Variants in C18orf63 observed in about 807,000 individuals in gnomAD.
C18orf63 encodes uncharacterized protein C18orf63.
Under a neutral mutation model 75.3 loss-of-function variants are expected in C18orf63, and 50 were observed. That is an observed-to-expected ratio of 0.66 (90% CI 0.53 to 0.84). The LOEUF is 0.84. Ranked by LOEUF, C18orf63 falls within the 40% of genes least tolerant of loss-of-function variation. The pLI, the probability that C18orf63 is intolerant of heterozygous loss-of-function variation, is 0.00. For synonymous variants in C18orf63, 232 were observed against 267.6 expected (o/e 0.87, Z 1.30); for missense variants, 732 against 800.2 (o/e 0.91, Z 1.03).
chr18:74,334,137 G>C (rs1166175251), intron 7 of C18orf63, among the ~76,000 whole-genome samples: 1 of 151,976 alleles, frequency 6.6e-6, no homozygotes, highest in African/African-American at 2.4e-5. Context: ...TCTGGCATTG[G>C]TTATGTTAAC....
In C18orf63 at chr18:74,353,440, T is replaced by A. The variant is rs1311772073; in HGVS notation, c.1173T>A (p.Ser391=). The A allele has an allele frequency of 1.3e-6, 2 of 1,536,296 alleles. No homozygotes were observed. Among genetic ancestry groups the A allele is most frequent in the African/African-American group, 2.7e-5 (2 of 73,050 alleles). Residue 391 remains serine, a synonymous_variant, in exon 12 of 14, where the codon TCT becomes TCA. Transcript: ENST00000579455. ...CAGCTTTGCATCTCCAGCCAGAGTC[T>A]GTTCAGGGTAGAAAGAAATCCCTGT... ...IFSALHLQPE[S]VQGRKKSLSI... is the part of the protein sequence containing the mutation.
At chr18:74,338,440 A>G (rs1342302996) in intron 7 of C18orf63, among the ~76,000 whole-genome samples, 4 of 152,064 alleles carry the variant, frequency 2.6e-5, no homozygotes, top group African/African-American at 9.7e-5. Flanking sequence ...TAAAAAAACC[A>G]CCTGAAAACC....
In C18orf63 at chr18:74,353,735, C is replaced by A. The variant is rs572659007; in HGVS notation, c.1468C>A (p.Arg490Ser). The A allele has an allele frequency of 5.3e-5, 82 of 1,535,780 alleles. No individual in the cohort carries two copies. The highest frequency in any genetic ancestry group is 6.8e-5 in the Non-Finnish European group (78 of 1,146,812). The change falls in exon 12 of 14, where the codon CGT becomes AGT. Residue 490 changes from arginine (R) to serine (S), a missense_variant. Arg to Ser is a moderately radical substitution (Grantham distance 110, BLOSUM62 -1). This residue lies in a region of C18orf63 where 495 missense variants were observed against 508.7 expected (regional missense o/e 0.97). Transcript: ENST00000579455. ...GAATTTAGGTCCAGCTATAAAAAACCGTTATAGTAGTAACATTCAGATGCA... is the reference window on the plus strand; with the variant it reads ...GAATTTAGGTCCAGCTATAAAAAACAGTTATAGTAGTAACATTCAGATGCA... The part of the protein sequence containing the change: ...KLNLGPAIKN[R>S]YSSNIQMQAA...
chr18:74,320,781 G>C (rs781510258), intron 3 of C18orf63, among the ~76,000 whole-genome samples, 190 bp downstream of exon 3: 1 of 151,900 alleles, frequency 6.6e-6, no homozygotes, highest in East Asian at 1.9e-4. Flanking sequence ...CCATTTTTGT[G>C]GTTCTAATTT....
chr18:74,323,216 G>A (rs138056506), intron 4 of C18orf63, among the ~76,000 whole-genome samples: 1 of 152,258 alleles, frequency 6.6e-6, no homozygotes, highest in African/African-American at 2.4e-5. Context: ...ATGAAGCCTT[G>A]ACTAGAGCTC....
intron 7 of C18orf63, among the ~76,000 whole-genome samples, chr18:74,331,392 G>A (rs926280439): frequency 1.3e-5 from 2 of 152,208 alleles, no homozygotes; most frequent in African/African-American, 4.8e-5. Context: ...AGAAGGATAT[G>A]TCTTTTATTT....
chr18:74,349,921 A>G (rs1358081831), intron 11 of C18orf63, among the ~76,000 whole-genome samples: 1 of 152,218 alleles, frequency 6.6e-6, no homozygotes, highest in Admixed American at 6.5e-5. Flanking sequence ...GGCTGGTTCT[A>G]AATCACATCC....
Position 74,353,850 on chromosome 18 carries a change from C to T in C18orf63, c.1583C>T (p.Ser528Phe), listed in dbSNP as rs1263227288. 36 of 1,535,858 alleles carry T rather than the reference C, an allele frequency of 2.3e-5. No individual in the cohort carries two copies. The highest frequency in any genetic ancestry group is 2.9e-5 in the Non-Finnish European group (33 of 1,146,862). Reference sequence around the variant, plus strand: ...GAAAATATGACAAAATTTCCCTCTTCTCGTGGAAAATCGACTGTGAGTTTA... The same window carrying T: ...GAAAATATGACAAAATTTCCCTCTTTTCGTGGAAAATCGACTGTGAGTTTA... The part of the protein sequence containing the change: ...SSENMTKFPS[S>F]RGKSTVSLNK... Residue 528 changes from serine (S) to phenylalanine (F), a missense_variant, in exon 12 of 14, where the codon TCT becomes TTT. Transcript: ENST00000579455.
intron 13 of C18orf63, among the ~76,000 whole-genome samples, chr18:74,354,771 C>T (rs913491771): frequency 2.0e-5 from 3 of 152,180 alleles, no homozygotes; most frequent in Non-Finnish European, 2.9e-5. Context: ...TGCAAATGGT[C>T]CACTGTGGGC....
At chr18:74,323,707 C>T (rs1599000809) in intron 4 of C18orf63, among the ~76,000 whole-genome samples, 1 of 152,276 alleles carries the variant, frequency 6.6e-6, no homozygotes, top group East Asian at 1.9e-4. Flanking sequence ...TTTAGTATAG[C>T]AGATCCTTGA....
intron 2 of C18orf63, among the ~76,000 whole-genome samples, chr18:74,319,014 C>T (rs948232289): frequency 1.3e-5 from 2 of 152,140 alleles, no homozygotes; most frequent in African/African-American, 2.4e-5. Context: ...CCTTCATTTT[C>T]GTCTTATTTA....
intron 11 of C18orf63, among the ~76,000 whole-genome samples, chr18:74,348,411 G>A (rs1984608848): frequency 1.3e-5 from 2 of 152,192 alleles, no homozygotes; most frequent in African/African-American, 4.8e-5. Context: ...CTGAGGTGGT[G>A]CAATGCACTG....
intron 8 of C18orf63, among the ~76,000 whole-genome samples, chr18:74,339,632 G>A (rs1417083911): frequency 6.6e-6 from 1 of 152,126 alleles, no homozygotes; most frequent in East Asian, 1.9e-4. Context: ...AGTACTAGAA[G>A]TCCTAGCTAG....
rs1984052420 is a variant in C18orf63, at chr18:74,317,853, C to G, written c.-13C>G. On this transcript the variant is annotated 5_prime_UTR_variant, in exon 2 of 14. Transcript: ENST00000579455. ...TTAAAGGCCTGATTGCTGAGACACT[C>G]AGTCAGGAAAGTATGAATGATTCTA... The G allele has an allele frequency of 6.6e-7, 1 of 1,514,982 alleles. No individual in the cohort carries two copies. Among genetic ancestry groups the G allele is most frequent in the Non-Finnish European group, 8.8e-7 (1 of 1,137,736 alleles). 93.8% of individuals were successfully genotyped at this position (1,514,982 alleles called of 1,614,324 possible).
chr18:74,321,927 A>C (rs555410565), intron 3 of C18orf63, among the ~76,000 whole-genome samples: 1 of 152,168 alleles, frequency 6.6e-6, no homozygotes, highest in South Asian at 2.1e-4. Context: ...CCTTTCCTGG[A>C]TATCTTTCCA....
rs145239079 is a variant in C18orf63, at chr18:74,349,104, G to C, written c.979-4142G>C. On this transcript the variant is annotated intron_variant, in intron 11 of 13. Transcript: ENST00000579455. ...TTTTATCTCAAGTAGTAGATATGTT[G>C]TTTAAATGTTACTACAGTTTATAGA... is the stretch of plus-strand genomic sequence containing the variant. 6.6e-3 allele frequency among the ~76,000 whole-genome samples: 1,000 copies of C among 152,252 alleles called. 2 individuals are homozygous for C. Among genetic ancestry groups the C allele is most frequent in the Non-Finnish European group, 0.012 (784 of 68,000 alleles).
At chr18:74,343,470 T>C (rs971029752) in intron 10 of C18orf63, 49 bp from the exon 11 acceptor site, 3 of 1,205,932 alleles carry the variant, frequency 2.5e-6, no homozygotes, top group Non-Finnish European at 3.4e-6. Flanking sequence ...CTTATAAATT[T>C]CTGCCTCTTA....
At position 74,338,773 on chromosome 18, in the gene C18orf63, C is replaced by A; in HGVS notation, c.560C>A (p.Ala187Asp). 2 of 1,425,814 alleles carry A rather than the reference C, an allele frequency of 1.4e-6. No individual in the cohort carries two copies. Among genetic ancestry groups the A allele is most frequent in the Non-Finnish European group, 9.3e-7 (1 of 1,079,210 alleles). The allele number at this position is 1,425,814 out of a possible 1,614,324, so 88.3% of individuals were successfully genotyped here. Residue 187 changes from alanine to aspartate, a missense_variant, in exon 8 of 14, where the codon GCT becomes GAT. By Grantham distance (126) the Ala-to-Asp change is moderately radical. Around this residue, in one of 3 missense-constraint regions of C18orf63, gnomAD observed 233 missense variants for 272.7 expected, o/e 0.85. Coordinates refer to ENST00000579455, the MANE Select transcript of C18orf63 (RefSeq NM_001174123.2). ...AAGGATTTTCATGCTAACAAGCATG[C>A]TGTCATTGAGAGACATTCCATTTTA... ...IIKDFHANKH[A>D]VIERHSILSN... is the part of the protein sequence containing the mutation.
intron 4 of C18orf63, among the ~76,000 whole-genome samples, chr18:74,323,154 A>G (rs529125870): frequency 1.3e-5 from 2 of 152,326 alleles, no homozygotes; most frequent in South Asian, 4.1e-4. Flanking sequence ...GAGAAAGATG[A>G]ATACAGTGGT....
Sources: allele counts gnomAD v4.1 joint callset (sites outside exome capture counted in the v4.1 genomes callset), GRCh38; gene constraint gnomAD v4.1.1; regional missense constraint gnomAD v4.1.1; transcripts MANE v1.5; gene names NCBI Gene and HGNC (gene_info 2026-07-23, HGNC 2026-07-21).